SMIM17: variants seen among roughly 807,000 people sequenced by gnomAD.
SMIM17 encodes small integral membrane protein 17.
In SMIM17, 10 loss-of-function variants were observed where a neutral mutation model predicts 12.2. The observed-to-expected ratio is 0.82, with a 90% CI of 0.50 to 1.39. SMIM17 has a LOEUF of 1.39. Among genes scored for constraint, SMIM17 ranks in the 40% most tolerant of loss-of-function variants. The probability of loss-of-function intolerance (pLI) is 0.00; values close to 1 mark genes in which losing one functional copy is unlikely to be tolerated. For synonymous variants in SMIM17, 50 were observed against 44.1 expected, an observed-to-expected ratio of 1.13 and a Z score of -0.53; for missense variants, 136 against 118.2, an observed-to-expected ratio of 1.15 and a Z score of -0.70.
chr19:56,651,032 C>T (rs1445161543), intron 3 of SMIM17, among the ~76,000 whole-genome samples: 2 of 152,136 alleles, frequency 1.3e-5, no homozygotes, highest in Non-Finnish European at 2.9e-5. Flanking sequence ...ATGGACAGAC[C>T]CTCCTTCCTG....
intron 3 of SMIM17, among the ~76,000 whole-genome samples, chr19:56,654,829 T>C (rs1198648334): frequency 6.6e-6 from 1 of 152,188 alleles, no homozygotes; most frequent in Non-Finnish European, 1.5e-5. Context: ...GGTGGGGTCA[T>C]TAGAGCATAG....
rs957208241 is a variant in SMIM17, at chr19:56,647,655, T to C, written c.246+21T>C. 2.0e-6 allele frequency: 3 copies of C among 1,530,406 alleles called. No homozygotes were observed. In the African/African-American group the frequency reaches 4.1e-5, roughly 21 times the overall value. The allele number at this position is 1,530,406 out of a possible 1,614,324, so 94.8% of individuals were successfully genotyped here. ...CCCAGGTACACTGGGGGGTTTGTTCTTTTTCCACAAATGTCCCACTCTGTA... is the reference window on the plus strand; with the variant it reads ...CCCAGGTACACTGGGGGGTTTGTTCCTTTTCCACAAATGTCCCACTCTGTA... On this transcript the variant is annotated intron_variant, in intron 3 of 3. Coordinates refer to ENST00000598409, the MANE Select transcript of SMIM17 (RefSeq NM_001193628.2).
Position 56,656,612 on chromosome 19 carries a change from G to A in SMIM17, c.*1399G>A, listed in dbSNP as rs947624359. On this transcript the variant is annotated 3_prime_UTR_variant, in exon 4 of 4. Transcript: ENST00000598409. ...TTTCTATAATAGCATACTTATTAAC[G>A]CAAATGTACTTCTGGATATAGCGTT... Among the ~76,000 whole-genome samples, 2 of 151,732 alleles carry A rather than the reference G, an allele frequency of 1.3e-5. No individual in the cohort carries two copies. Among genetic ancestry groups the A allele is most frequent in the African/African-American group, 2.4e-5 (1 of 41,288 alleles).
chr19:56,652,101 CAAAAAAAAAAAAAA>C (rs57264842), intron 3 of SMIM17, among the ~76,000 whole-genome samples: 1 of 66,866 alleles, frequency 1.5e-5, no homozygotes, highest in Non-Finnish European at 2.6e-5. Context: ...GAGACTCTGC[CAAAAAAAAAAAAAA>C]AAAAAAAAAA....
At position 56,647,451 on chromosome 19, in the gene SMIM17, G is replaced by GAGAGAGAGA. The variant is rs2045073322; in HGVS notation, c.170-107_170-106insAGAGAGAGA. The GAGAGAGAGA allele has an allele frequency of 1.2e-5, 8 of 667,144 alleles. No homozygotes were observed. In the African/African-American group the frequency reaches 1.5e-4, roughly 13 times the overall value. 41.3% of individuals were successfully genotyped at this position (667,144 alleles called of 1,614,324 possible). A position where few individuals can be genotyped will look rare whatever the true frequency, so the allele number is the denominator to read the frequency against. Reference sequence around the variant, plus strand: ...AGAGAGAGAGAGAGAGAGAGAGAGAGGAGGCTATTACTAGAAAAGGGACAA... The same window carrying GAGAGAGAGA: ...AGAGAGAGAGAGAGAGAGAGAGAGAGAGAGAGAGAGAGGCTATTACTAGAAAAGGGACAA... On this transcript the variant is annotated intron_variant, in intron 2 of 3. Transcript: ENST00000598409.
chr19:56,649,276 G>A lies in SMIM17; in HGVS notation c.246+1642G>A, dbSNP rs145115233. Among the ~76,000 whole-genome samples the A allele has an allele frequency of 8.3e-3, 1,271 of 152,304 alleles. 19 individuals are homozygous for A. Among genetic ancestry groups the A allele is most frequent in the African/African-American group, 0.029 (1,203 of 41,568 alleles). On this transcript the variant is annotated intron_variant, in intron 3 of 3. Coordinates refer to ENST00000598409, the MANE Select transcript of SMIM17 (RefSeq NM_001193628.2). ...GGGCAGAGCAGTGGGAGGTTTGGGT[G>A]AAAATATGGCTGGGATGACATCATT...
chr19:56,645,763 T>C lies in SMIM17; in HGVS notation c.96T>C (p.Pro32=). ...LPRESRAWEK[P]PHPACTKDWE... ...GGGAGAGCCGGGCCTGGGAGAAGCC[T>C]CCTCATCCCGCCTGCACCAAAGACT... Residue 32 remains proline (P), a synonymous_variant, in exon 2 of 4, where the codon CCT becomes CCC. Transcript: ENST00000598409. The C allele has an allele frequency of 1.3e-6, 2 of 1,535,888 alleles. No homozygotes were observed. The highest frequency in any genetic ancestry group is 2.0e-5 in the Admixed American group (1 of 50,980).
At chr19:56,649,039 T>G (rs2045089458) in intron 3 of SMIM17, among the ~76,000 whole-genome samples, 1 of 152,124 alleles carries the variant, frequency 6.6e-6, no homozygotes, top group African/African-American at 2.4e-5. Context: ...ACCATGATAG[T>G]GCAGAAATAA....
rs1254830398 is a variant in SMIM17, at chr19:56,657,145, T to C, written c.*1932T>C. ...AGCTGTGTAATTCGAGGCATATAAG[T>C]GCAGCATTGTTATGTCCTTGTTAAT... On this transcript the variant is annotated 3_prime_UTR_variant, in exon 4 of 4. Transcript: ENST00000598409. Among the ~76,000 whole-genome samples, 2 of 152,218 alleles carry C rather than the reference T, an allele frequency of 1.3e-5. No individual in the cohort carries two copies. The highest frequency in any genetic ancestry group is 4.8e-5 in the African/African-American group (2 of 41,462).
chr19:56,650,787 T>A (rs1471290783), intron 3 of SMIM17, among the ~76,000 whole-genome samples: 1 of 152,204 alleles, frequency 6.6e-6, no homozygotes, highest in African/African-American at 2.4e-5. Context: ...TGAATTCTGA[T>A]GTGGGGACAG....
chr19:56,649,538 G>T (rs575739509), intron 3 of SMIM17, among the ~76,000 whole-genome samples: 17 of 152,254 alleles, frequency 1.1e-4, no homozygotes, highest in Non-Finnish European at 1.0e-4. Flanking sequence ...GGGGCTGGGG[G>T]TTGCTATTTT....
At chr19:56,645,113 G>A (rs890966931) in intron 1 of SMIM17, among the ~76,000 whole-genome samples, 1 of 149,062 alleles carries the variant, frequency 6.7e-6, no homozygotes, top group Non-Finnish European at 1.5e-5. Context: ...GAGTATGTGA[G>A]TGTGTATGTG....
intron 2 of SMIM17, among the ~76,000 whole-genome samples, chr19:56,646,621 T>C (rs1201780337): frequency 6.6e-6 from 1 of 152,066 alleles, no homozygotes; most frequent in African/African-American, 2.4e-5. Context: ...GAGAATGGAT[T>C]GTAGGGCTAG....
rs2045125892 is a variant in SMIM17 at position 56,653,566 on chromosome 19, TG to T, written c.247-1535del. On this transcript the variant is annotated intron_variant, in intron 3 of 3. Transcript: ENST00000598409. Reference sequence around the variant, plus strand: ...TGTTCAGTTGGCCCAATTTTACGCATGGATTATGAGGAACTTTATAAAAATT... The same window carrying T: ...TGTTCAGTTGGCCCAATTTTACGCATGATTATGAGGAACTTTATAAAAATT... Among the ~76,000 whole-genome samples, 3 of 152,192 alleles carry T rather than the reference TG, an allele frequency of 2.0e-5. No individual in the cohort carries two copies. The South Asian group carries it at 6.2e-4, about 32-fold the overall frequency.
intron 3 of SMIM17, among the ~76,000 whole-genome samples, chr19:56,652,671 A>AAAAAG (rs1555778634): frequency 6.7e-6 from 1 of 150,268 alleles, no homozygotes; most frequent in Non-Finnish European, 1.5e-5. Flanking sequence ...AGAAAAAAAA[A>AAAAAG]AGAGAGAGAG....
chr19:56,649,733 T>C (rs1392078033), intron 3 of SMIM17, among the ~76,000 whole-genome samples: 1 of 151,942 alleles, frequency 6.6e-6, no homozygotes, highest in Admixed American at 6.6e-5. Flanking sequence ...GGCATGGTGG[T>C]CAGTGTGGCT....
At position 56,645,848 on chromosome 19, in the gene SMIM17, G is replaced by C. The variant is rs567247210; in HGVS notation, c.169+12G>C. On this transcript the variant is annotated intron_variant, in intron 2 of 3. Transcript: ENST00000598409. ...CAGTGATGAGAAAGGTGAGAGGCAG[G>C]GGTCCTTTGGGAGGTGAGTGGGTGG... is the stretch of plus-strand genomic sequence containing the variant. 9.2e-6 allele frequency: 14 copies of C among 1,524,554 alleles called. No individual in the cohort carries two copies. Among genetic ancestry groups the C allele is most frequent in the Non-Finnish European group, 1.2e-5 (14 of 1,141,260 alleles). 94.4% of individuals were successfully genotyped at this position (1,524,554 alleles called of 1,614,324 possible). A position where few individuals can be genotyped will look rare whatever the true frequency, so the allele number is the denominator to read the frequency against.
At chr19:56,652,422 AG>A (rs2045116570) in intron 3 of SMIM17, among the ~76,000 whole-genome samples, 1 of 152,022 alleles carries the variant, frequency 6.6e-6, no homozygotes, top group Non-Finnish European at 1.5e-5. Context: ...TGGGAGGCCG[AG>A]GTGGGTGGAT....
At chr19:56,647,665 A>C in intron 3 of SMIM17, 31 bp downstream of exon 3, 2 of 1,508,260 alleles carry the variant, frequency 1.3e-6, no homozygotes, top group Non-Finnish European at 8.9e-7. Flanking sequence ...TTTTTCCACA[A>C]ATGTCCCACT....
Sources: gnomAD v4.1 joint callset for allele counts (sites outside exome capture counted in the v4.1 genomes callset) on GRCh38, gnomAD v4.1.1 for gene constraint, MANE v1.5 for transcripts, NCBI Gene and HGNC (gene_info 2026-07-23, HGNC 2026-07-21) for gene names.